Variants in TRANK1 observed in about 807,000 individuals in gnomAD.
TRANK1 encodes TPR and ankyrin repeat-containing protein 1.
Under a neutral mutation model 266.0 loss-of-function variants are expected in TRANK1, and 198 were observed. The ratio of observed to expected loss-of-function variants is 0.74; its 90% CI spans 0.66 to 0.84. TRANK1 has a LOEUF of 0.84. TRANK1 is among the 40% of genes least tolerant of loss of function. The pLI is 0.00. For missense variants in TRANK1, 3,326 were observed against 3,634.6 expected (o/e 0.92, Z 2.18); for synonymous variants, 1,396 against 1,384.1 (o/e 1.01, Z -0.19).
Position 36,852,315 on chromosome 3 carries a change from T to A in TRANK1, c.4580A>T (p.Asp1527Val). The A allele has an allele frequency of 1.9e-6, 3 of 1,595,182 alleles. No homozygotes were observed. Among genetic ancestry groups the A allele is most frequent in the Non-Finnish European group, 2.6e-6 (3 of 1,173,650 alleles). The change falls in exon 14 of 24, where the codon GAT becomes GTT. Residue 1527 changes from aspartate to valine, a missense_variant. Asp to Val is a radical substitution (Grantham distance 152). Transcript: ENST00000645898. Reference sequence around the variant, plus strand: ...TTCTGGGAAATAGAACTGAAGTAAATCCACCACTCCAGATGCCAGATTGAG... The same window carrying A: ...TTCTGGGAAATAGAACTGAAGTAAAACCACCACTCCAGATGCCAGATTGAG... ...GILNLASGVVDLLQFYFPESF... is the reference protein window; with the variant it reads ...GILNLASGVVVLLQFYFPESF...
chr3:36,848,837 G>A (rs1317509900), intron 15 of TRANK1, among the ~76,000 whole-genome samples: 1 of 152,164 alleles, frequency 6.6e-6, no homozygotes, highest in Admixed American at 6.5e-5. Flanking sequence ...ACATTTGAGA[G>A]GATCCTCCTG....
intron 3 of TRANK1, 148 bp downstream of exon 3, chr3:36,903,001 T>C (rs754029904): frequency 1.0e-4 from 108 of 1,048,430 alleles, no homozygotes; most frequent in Non-Finnish European, 1.4e-4. Flanking sequence ...TTAAAAGGAA[T>C]GGAAAGAGGC....
At chr3:36,893,021 G>T in intron 5 of TRANK1, 37 bp from the exon 6 acceptor site, 1 of 1,302,998 alleles carries the variant, frequency 7.7e-7, no homozygotes, top group Non-Finnish European at 1.0e-6. Context: ...GAATAATAAT[G>T]TTCTCCACAT....
chr3:36,879,945 TGC>T lies in TRANK1; in HGVS notation c.908-5651_908-5650del, dbSNP rs1559449458. ...GTAAACATGCAAATATATGTAAACA[TGC>T]AAATATATGTAAACATGCAAATATA... is the stretch of plus-strand genomic sequence containing the variant. On this transcript the variant is annotated intron_variant, in intron 8 of 23. Transcript: ENST00000645898. 2.1e-3 allele frequency among the ~76,000 whole-genome samples: 26 copies of T among 12,406 alleles called. 1 individual carries two copies. Among genetic ancestry groups the T allele is most frequent in the African/African-American group, 4.2e-3 (7 of 1,678 alleles). 8.1% of individuals were successfully genotyped at this position (12,406 alleles called of 152,430 possible).
Position 36,944,865 on chromosome 3 carries a change from T to A in TRANK1, c.-56A>T. ...GCCGCCGCCTGGGGAAGCGCTTCCC[T>A]GTGGGCAGGGCGCGGCGGGCAGTGC... On this transcript the variant is annotated 5_prime_UTR_variant, in exon 1 of 24. Coordinates refer to ENST00000645898, the MANE Select transcript of TRANK1 (RefSeq NM_001329998.2). 2 of 1,411,610 alleles carry A rather than the reference T, an allele frequency of 1.4e-6. No individual in the cohort carries two copies. Among genetic ancestry groups the A allele is most frequent in the Non-Finnish European group, 1.8e-6 (2 of 1,087,814 alleles). 87.4% of individuals were successfully genotyped at this position (1,411,610 alleles called of 1,614,324 possible). A position where few individuals can be genotyped will look rare whatever the true frequency, so the allele number is the denominator to read the frequency against.
At chr3:36,889,189 T>C (rs2079651049) in intron 8 of TRANK1, among the ~76,000 whole-genome samples, 1 of 151,962 alleles carries the variant, frequency 6.6e-6, no homozygotes, top group African/African-American at 2.4e-5. Context: ...AGGCTGAGAG[T>C]CCACTGTATG....
Position 36,855,752 on chromosome 3 carries a change from C to A in TRANK1, c.3970G>T (p.Glu1324Ter), listed in dbSNP as rs548850529. Residue 1324 changes from glutamate to a stop codon, truncating the protein, a stop_gained, in exon 13 of 24, where the codon GAG becomes TAG. Transcript: ENST00000645898. LOFTEE classifies it high-confidence loss of function. ...GGCCATATTTCATTTTTGAACACCT[C>A]AAACGTCACGTACACCCGGGGGTCA... ...DSDPRVYVTF[E>*]VFKNEIWPKM... 3 of 1,613,670 alleles carry A rather than the reference C, an allele frequency of 1.9e-6. No homozygotes were observed. The highest frequency in any genetic ancestry group is 2.5e-6 in the Non-Finnish European group (3 of 1,179,830).
At chr3:36,843,735 T>C (rs2078879265) in intron 17 of TRANK1, among the ~76,000 whole-genome samples, 1 of 152,124 alleles carries the variant, frequency 6.6e-6, no homozygotes, top group Non-Finnish European at 1.5e-5. Context: ...CAGAGACACC[T>C]AGGCCAATGG....
In TRANK1 at chr3:36,855,761, C is replaced by G. The variant is rs756146747; in HGVS notation, c.3961G>C (p.Val1321Leu). ...TCATTTTTGAACACCTCAAACGTCA[C>G]GTACACCCGGGGGTCACTGTCACCC... ...RTGDSDPRVY[V>L]TFEVFKNEIW... The change falls in exon 13 of 24, where the codon GTG becomes CTG. Residue 1321 changes from valine to leucine, a missense_variant. Coordinates refer to ENST00000645898, the MANE Select transcript of TRANK1 (RefSeq NM_001329998.2). 3 of 1,613,576 alleles carry G rather than the reference C, an allele frequency of 1.9e-6. No homozygotes were observed. Among genetic ancestry groups the G allele is most frequent in the African/African-American group, 2.7e-5 (2 of 74,802 alleles).
chr3:36,927,371 A>T (rs925161503), intron 1 of TRANK1, among the ~76,000 whole-genome samples: 4 of 152,234 alleles, frequency 2.6e-5, no homozygotes, highest in Admixed American at 1.3e-4. Flanking sequence ...CAGACAACAG[A>T]TAAGTTGTAA....
At chr3:36,850,528 G>A (rs2078971995) in intron 15 of TRANK1, 1 of 983,346 alleles carries the variant, frequency 1.0e-6, no homozygotes, top group Admixed American at 6.2e-5. Flanking sequence ...CAGCACTTCG[G>A]GAGGCCAAGG....
intron 15 of TRANK1, among the ~76,000 whole-genome samples, chr3:36,848,135 T>C (rs1476928345): frequency 6.6e-6 from 1 of 152,240 alleles, no homozygotes; most frequent in Non-Finnish European, 1.5e-5. Context: ...CTCAATTCTG[T>C]CATTTTGGTG....
At chr3:36,835,275 C>T (rs536425320) in intron 20 of TRANK1, among the ~76,000 whole-genome samples, 113 of 139,552 alleles carry the variant, frequency 8.1e-4, no homozygotes, top group Admixed American at 1.3e-3. Flanking sequence ...GCCGAGATCC[C>T]GCCACTGCAC....
At chr3:36,884,038 C>T (rs759632866) in intron 8 of TRANK1, among the ~76,000 whole-genome samples, 1 of 152,178 alleles carries the variant, frequency 6.6e-6, no homozygotes, top group South Asian at 2.1e-4. Context: ...TTATGGGTTA[C>T]CTAGTCTGAA....
chr3:36,873,657 C>A (rs781567655), intron 9 of TRANK1, among the ~76,000 whole-genome samples: 1 of 152,050 alleles, frequency 6.6e-6, no homozygotes, highest in Non-Finnish European at 1.5e-5. Flanking sequence ...CAAAACCCAA[C>A]AAATAGGACT....
chr3:36,832,405 T>C lies in TRANK1; in HGVS notation c.7178A>G (p.Asn2393Ser), dbSNP rs1289465414. ...CTTGTCCATATTTTCATCATCCCTG[T>C]TGGGTGCCAGCATGCCAAATTTCCC... ...IEGKFGMLAP[N>S]RDDENMDKTH... The change falls in exon 22 of 24, where the codon AAC becomes AGC. Residue 2393 changes from asparagine to serine, a missense_variant. Transcript: ENST00000645898. The C allele has an allele frequency of 6.2e-7, 1 of 1,613,926 alleles. No individual in the cohort carries two copies. The highest frequency in any genetic ancestry group is 1.3e-5 in the African/African-American group (1 of 74,936).
intron 1 of TRANK1, among the ~76,000 whole-genome samples, chr3:36,916,373 G>A (rs1166557250): frequency 2.0e-5 from 3 of 152,180 alleles, no homozygotes; most frequent in African/African-American, 7.2e-5. Context: ...AGACTAGCCT[G>A]ACCAACATGG....
chr3:36,842,620 AC>A lies in TRANK1; in HGVS notation c.5280+1del. 6.2e-7 allele frequency: 1 copy of A among 1,613,696 alleles called. No individual in the cohort carries two copies. Among genetic ancestry groups the A allele is most frequent in the Non-Finnish European group, 8.5e-7 (1 of 1,179,786 alleles). ...AGGACCCCTCCTAGTCCAACCCCTT[AC>A]CTTCCAGCACTGGTGCTTGGCGTAG... On this transcript the variant is annotated splice_donor_variant, in intron 18 of 23. Coordinates refer to ENST00000645898, the MANE Select transcript of TRANK1 (RefSeq NM_001329998.2). LOFTEE classifies it high-confidence loss of function.
intron 1 of TRANK1, among the ~76,000 whole-genome samples, chr3:36,911,778 A>G (rs1004444015): frequency 6.6e-6 from 1 of 152,262 alleles, no homozygotes; most frequent in Non-Finnish European, 1.5e-5. Context: ...TTTATTTATA[A>G]GATGAAATTA....
Sources: allele counts gnomAD v4.1 joint callset (sites outside exome capture counted in the v4.1 genomes callset), GRCh38; gene constraint gnomAD v4.1.1; transcripts MANE v1.5; gene names NCBI Gene and HGNC (gene_info 2026-07-23, HGNC 2026-07-21).